Variants in BDKRB2 observed in about 807,000 individuals in gnomAD.
The protein encoded by BDKRB2 is bradykinin receptor B2.
In BDKRB2, 6 loss-of-function variants were observed where a neutral mutation model predicts 4.0. That is an observed-to-expected ratio of 1.49 (90% CI 0.81 to 2.93). The LOEUF (loss-of-function observed/expected upper bound fraction) is 2.93, where lower values mean the gene tolerates loss of function less well. BDKRB2 is among the 30% of genes most tolerant of loss of function. The pLI is 0.00. For synonymous variants in BDKRB2, 225 were observed against 215.3 expected (o/e 1.05, Z -0.40); for missense variants, 478 against 520.1 (o/e 0.92, Z 0.79).
intron 1 of BDKRB2, among the ~76,000 whole-genome samples, chr14:96,215,461 A>C (rs568128508): frequency 1.0e-5 from 1 of 97,082 alleles, no homozygotes; most frequent in Non-Finnish European, 2.1e-5. Context: ...TTATTTTCAA[A>C]AATGCCAAAC....
At chr14:96,216,755 GAGGAGGAGGAGGA>G (rs1890433792) in intron 1 of BDKRB2, among the ~76,000 whole-genome samples, 6 of 115,152 alleles carry the variant, frequency 5.2e-5, no homozygotes, top group South Asian at 6.6e-4. Flanking sequence ...GAGGAAGGAG[GAGGAGGAGGAGGA>G]AGGAGGAGGA....
At chr14:96,210,360 T>C (rs1224078325) in intron 1 of BDKRB2, among the ~76,000 whole-genome samples, 1 of 152,192 alleles carries the variant, frequency 6.6e-6, no homozygotes, top group Non-Finnish European at 1.5e-5. Flanking sequence ...TCACAGTATT[T>C]ACACATGTCC....
At chr14:96,238,125 G>T (rs1432450323) in intron 2 of BDKRB2, 3 of 983,090 alleles carry the variant, frequency 3.1e-6, no homozygotes, top group Non-Finnish European at 3.6e-6. Flanking sequence ...GCTTATCTCT[G>T]TTCCAAGATG....
chr14:96,239,816 C>T (rs777416241), intron 2 of BDKRB2: 19 of 985,424 alleles, frequency 1.9e-5, no homozygotes, highest in Admixed American at 6.1e-5. Flanking sequence ...CACCCTCCCT[C>T]GCCATCTGTA....
chr14:96,238,269 C>A (rs551952098), intron 2 of BDKRB2: 9 of 410,432 alleles, frequency 2.2e-5, no homozygotes, highest in Non-Finnish European at 3.0e-5. Flanking sequence ...CCTCACATGG[C>A]GGCTCACATC....
intron 1 of BDKRB2, among the ~76,000 whole-genome samples, chr14:96,209,445 C>T (rs749467661): frequency 2.0e-5 from 3 of 151,934 alleles, no homozygotes; most frequent in African/African-American, 7.3e-5. Context: ...AAGAGGGACA[C>T]GAAATCACAG....
In BDKRB2 at chr14:96,212,922, T is replaced by C. The variant is rs145321549; in HGVS notation, c.-40+7963T>C. On this transcript the variant is annotated intron_variant, in intron 1 of 2. Coordinates refer to ENST00000554311, the MANE Select transcript of BDKRB2 (RefSeq NM_001379692.1). ...GGGATTCTACCATCTCTGCTTCATA[T>C]GCTTTATAGGAGTTCGGTCTGAGCC... 4.1e-4 allele frequency among the ~76,000 whole-genome samples: 62 copies of C among 152,120 alleles called. 1 individual carries two copies. Among genetic ancestry groups the C allele is most frequent in the Middle Eastern group, 6.8e-3 (2 of 294 alleles).
chr14:96,219,938 G>A (rs1369822557), intron 1 of BDKRB2, among the ~76,000 whole-genome samples: 3 of 151,994 alleles, frequency 2.0e-5, no homozygotes, highest in Non-Finnish European at 4.4e-5. Context: ...AGGTGGTCCA[G>A]GGACCTTTCT....
intron 1 of BDKRB2, among the ~76,000 whole-genome samples, chr14:96,228,764 C>T (rs1890754772): frequency 3.9e-5 from 6 of 152,202 alleles, no homozygotes; most frequent in Admixed American, 3.3e-4. Flanking sequence ...GAGCTGTCCT[C>T]CTCTACCCAG....
chr14:96,210,271 G>A (rs994739749), intron 1 of BDKRB2, among the ~76,000 whole-genome samples: 2 of 152,230 alleles, frequency 1.3e-5, no homozygotes, highest in African/African-American at 4.8e-5. Context: ...GAGGCGGGTT[G>A]CATGACCCAG....
At chr14:96,237,838 C>T (rs1200221622) in intron 2 of BDKRB2, 2 of 1,289,538 alleles carry the variant, frequency 1.6e-6, no homozygotes, top group African/African-American at 1.5e-5. Flanking sequence ...CTTCTCAGAG[C>T]CAGGGATGGG....
At chr14:96,215,119 A>G (rs1890388685) in intron 1 of BDKRB2, among the ~76,000 whole-genome samples, 1 of 152,268 alleles carries the variant, frequency 6.6e-6, no homozygotes, top group African/African-American at 2.4e-5. Flanking sequence ...AACAGTAAAG[A>G]AAACCCAAAA....
At chr14:96,213,365 C>G (rs1346401333) in intron 1 of BDKRB2, among the ~76,000 whole-genome samples, 1 of 152,164 alleles carries the variant, frequency 6.6e-6, no homozygotes, top group East Asian at 1.9e-4. Flanking sequence ...GAATCTGTAA[C>G]CCCAAGTCCC....
chr14:96,231,982 G>A (rs868536104), intron 1 of BDKRB2, among the ~76,000 whole-genome samples: 1 of 152,168 alleles, frequency 6.6e-6, no homozygotes, highest in Non-Finnish European at 1.5e-5. Context: ...ACAGACTGGT[G>A]GCGTCCCAGC....
At chr14:96,207,363 T>A (rs1236994969) in intron 1 of BDKRB2, among the ~76,000 whole-genome samples, 1 of 152,204 alleles carries the variant, frequency 6.6e-6, no homozygotes, top group Non-Finnish European at 1.5e-5. Flanking sequence ...AGGCATATGC[T>A]GTATGATTTC....
intron 1 of BDKRB2, among the ~76,000 whole-genome samples, chr14:96,233,073 C>G (rs982389000): frequency 1.3e-4 from 20 of 152,214 alleles, no homozygotes; most frequent in Non-Finnish European, 2.8e-4. Flanking sequence ...ATAGCCCAGG[C>G]TGGAGTGCAG....
chr14:96,220,700 T>C (rs1890539682), intron 1 of BDKRB2, among the ~76,000 whole-genome samples: 1 of 146,914 alleles, frequency 6.8e-6, no homozygotes, highest in Admixed American at 7.1e-5. Context: ...CCGTTGTGCC[T>C]CTGGTCTGGT....
Position 96,224,366 on chromosome 14 carries a change from T to A in BDKRB2, c.-39-12703T>A, listed in dbSNP as rs1890648224. Among the ~76,000 whole-genome samples the A allele has an allele frequency of 1.3e-5, 2 of 152,248 alleles. 1 individual carries two copies. Among genetic ancestry groups the A allele is most frequent in the South Asian group, 4.1e-4 (2 of 4,830 alleles). On this transcript the variant is annotated intron_variant, in intron 1 of 2. Coordinates refer to ENST00000554311, the MANE Select transcript of BDKRB2 (RefSeq NM_001379692.1). Reference sequence around the variant, plus strand: ...GTTCAAATCTCAACTCTAGTCTTGCTAGCTGTGCCTCTGTTTGCTCGTCTG... The same window carrying A: ...GTTCAAATCTCAACTCTAGTCTTGCAAGCTGTGCCTCTGTTTGCTCGTCTG...
In BDKRB2 at chr14:96,242,422, G is replaced by C. The variant is rs936625622; in HGVS notation, c.*918G>C. 6.6e-6 allele frequency: 1 copy of C among 152,256 alleles called. No individual in the cohort carries two copies. The highest frequency in any genetic ancestry group is 1.5e-5 in the Non-Finnish European group (1 of 68,050). 9.4% of individuals were successfully genotyped at this position (152,256 alleles called of 1,614,324 possible). On this transcript the variant is annotated 3_prime_UTR_variant, in exon 3 of 3. Transcript: ENST00000554311. ...TATAAAGTACTTAGAAAAGCAAAGGGTGCTACGTACATGTGAGGCATCATT... is the reference window on the plus strand; with the variant it reads ...TATAAAGTACTTAGAAAAGCAAAGGCTGCTACGTACATGTGAGGCATCATT...
Sources: allele counts gnomAD v4.1 joint callset (sites outside exome capture counted in the v4.1 genomes callset), GRCh38; gene constraint gnomAD v4.1.1; transcripts MANE v1.5; gene names NCBI Gene and HGNC (gene_info 2026-07-23, HGNC 2026-07-21).